The following FAM83E variants were observed in gnomAD, a reference collection of about 807,000 sequenced individuals.
The protein encoded by FAM83E is protein FAM83E.
Under a neutral mutation model 34.3 loss-of-function variants are expected in FAM83E, and 29 were observed. The observed-to-expected ratio is 0.85, with a 90% CI of 0.63 to 1.15. The LOEUF is 1.15. Ranked by LOEUF, FAM83E falls within the 50% of genes most tolerant of loss-of-function variation. The pLI is 0.00. For synonymous variants in FAM83E, 312 were observed against 311.6 expected (o/e 1.00, Z -0.01); for missense variants, 697 against 685.0 (o/e 1.02, Z -0.20).
intron 3 of FAM83E, among the ~76,000 whole-genome samples, chr19:48,612,515 C>T (rs1035957344): frequency 6.6e-6 from 1 of 151,950 alleles, no homozygotes; most frequent in African/African-American, 2.4e-5. Context: ...AGCAATTCTG[C>T]TTCCTCAGCC....
At chr19:48,612,786 C>T in intron 3 of FAM83E, 122 bp downstream of exon 3, 1 of 1,182,692 alleles carries the variant, frequency 8.5e-7, no homozygotes, top group Non-Finnish European at 1.2e-6. Context: ...CTCCTGGGTC[C>T]CAGGGGTATA....
rs764749355 is a variant in FAM83E, at chr19:48,603,905, C to T, written c.765G>A (p.Thr255=). 3.8e-6 allele frequency: 6 copies of T among 1,594,754 alleles called. No homozygotes were observed. The highest frequency in any genetic ancestry group is 5.1e-6 in the Non-Finnish European group (6 of 1,171,166). Residue 255 remains threonine, a synonymous_variant, in exon 6 of 7, where the codon ACG becomes ACA. Coordinates refer to ENST00000263266, the MANE Select transcript of FAM83E (RefSeq NM_017708.4). ...ERVISGSYSF[T]WSDARLHRGL... The stretch of plus-strand genomic sequence containing the variant: ...CTCGGTGCAGGCGTGCGTCACTCCA[C>T]GTGAAGCTGGGGGTCGGGGAGTAGG...
chr19:48,613,152 C>A lies in FAM83E; in HGVS notation c.221G>T (p.Trp74Leu). 1 of 1,612,036 alleles carries A rather than the reference C, an allele frequency of 6.2e-7. No individual in the cohort carries two copies. Among genetic ancestry groups the A allele is most frequent in the South Asian group, 1.1e-5 (1 of 91,072 alleles). Residue 74 changes from tryptophan to leucine, a missense_variant, in exon 3 of 7, where the codon TGG (tryptophan) becomes TTG (leucine). Coordinates refer to ENST00000263266, the MANE Select transcript of FAM83E (RefSeq NM_017708.4). Reference protein sequence around the residue: ...VQGLAAAAEDWTVAKQEPSGM... With the variant: ...VQGLAAAAEDLTVAKQEPSGM... ...GCTGGGCTCCTGCTTGGCCACTGTC[C>A]AGTCTTCAGCTGCCGCTGCCAAGCC... is the stretch of plus-strand genomic sequence containing the variant.
Position 48,614,524 on chromosome 19 carries a change from AC to A in FAM83E, c.-1153del, listed in dbSNP as rs760858513. Reference sequence around the variant, plus strand: ...CTCAGTTATCCCCTTGAGGCTCCTGACCCAACCTCGGGGACCCTGGACCCTT... The same window carrying A: ...CTCAGTTATCCCCTTGAGGCTCCTGACCAACCTCGGGGACCCTGGACCCTT... On this transcript the variant is annotated 5_prime_UTR_variant, in exon 3 of 7. It removes the in-frame stop codon of an upstream open reading frame in the 5' UTR. Coordinates refer to ENST00000263266, the MANE Select transcript of FAM83E (RefSeq NM_017708.4). The A allele has an allele frequency of 2.0e-6, 2 of 985,438 alleles. No individual in the cohort carries two copies. The highest frequency in any genetic ancestry group is 2.4e-6 in the Non-Finnish European group (2 of 830,102). 61.0% of individuals were successfully genotyped at this position (985,438 alleles called of 1,614,324 possible). A position where few individuals can be genotyped will look rare whatever the true frequency, so the allele number is the denominator to read the frequency against.
chr19:48,606,941 C>G, intron 5 of FAM83E: 1 of 1,589,956 alleles, frequency 6.3e-7, no homozygotes, highest in Non-Finnish European at 8.5e-7. Context: ...GGGAAGCCCA[C>G]GGCCTGGCTG....
chr19:48,604,423 T>C (rs1973889672), intron 5 of FAM83E, among the ~76,000 whole-genome samples: 3 of 147,880 alleles, frequency 2.0e-5, no homozygotes, highest in Non-Finnish European at 3.0e-5. Flanking sequence ...CTCTGCCTCC[T>C]GGCTTCAAGC....
intron 6 of FAM83E, among the ~76,000 whole-genome samples, chr19:48,602,137 A>G (rs1216018201): frequency 5.6e-4 from 51 of 90,632 alleles, no homozygotes; most frequent in African/African-American, 2.2e-3. Context: ...GCGAGACCCT[A>G]TCTCAAAAAA....
chr19:48,604,110 A>G (rs1973884529), intron 5 of FAM83E, among the ~76,000 whole-genome samples, 199 bp from the exon 6 acceptor site: 1 of 151,922 alleles, frequency 6.6e-6, no homozygotes, highest in African/African-American at 2.4e-5. Context: ...CCAAGTTAAG[A>G]CACTTATATA....
At position 48,614,062 on chromosome 19, in the gene FAM83E, G is replaced by C. The variant is rs1974099373; in HGVS notation, c.-690C>G. 2.0e-6 allele frequency: 2 copies of C among 985,576 alleles called. No individual in the cohort carries two copies. The highest frequency in any genetic ancestry group is 3.5e-5 in the African/African-American group (2 of 57,216). The allele number at this position is 985,576 out of a possible 1,614,324, so 61.1% of individuals were successfully genotyped here. A position where few individuals can be genotyped will look rare whatever the true frequency, so the allele number is the denominator to read the frequency against. On this transcript the variant is annotated 5_prime_UTR_variant, in exon 3 of 7. Coordinates refer to ENST00000263266, the MANE Select transcript of FAM83E (RefSeq NM_017708.4). Reference sequence around the variant, plus strand: ...CCCCACGAGTTTCTCCTGCTCATCAGCTCTCACCCGCAGACCAGCCAGGAT... The same window carrying C: ...CCCCACGAGTTTCTCCTGCTCATCACCTCTCACCCGCAGACCAGCCAGGAT...
chr19:48,613,859 T>A lies in FAM83E; in HGVS notation c.-487A>T. ...GATCATTTCCAGGCGGCAAGCTGCCTGCCTGTCTCTAATCACCCAAAGGTC... is the reference window on the plus strand; with the variant it reads ...GATCATTTCCAGGCGGCAAGCTGCCAGCCTGTCTCTAATCACCCAAAGGTC... On this transcript the variant is annotated 5_prime_UTR_variant, in exon 3 of 7. Coordinates refer to ENST00000263266, the MANE Select transcript of FAM83E (RefSeq NM_017708.4). 1 of 985,362 alleles carries A rather than the reference T, an allele frequency of 1.0e-6. No individual in the cohort carries two copies. Among genetic ancestry groups the A allele is most frequent in the Non-Finnish European group, 1.2e-6 (1 of 829,882 alleles). 61.0% of individuals were successfully genotyped at this position (985,362 alleles called of 1,614,324 possible).
intron 4 of FAM83E, 57 bp downstream of exon 4, chr19:48,610,623 C>T: frequency 3.3e-6 from 5 of 1,518,826 alleles, no homozygotes; most frequent in Non-Finnish European, 4.4e-6. Flanking sequence ...GGTCTGCCCC[C>T]ACTGCCCCCA....
At chr19:48,610,883 G>A (rs765782811) in intron 3 of FAM83E, 36 bp from the exon 4 acceptor site, 37 of 1,564,718 alleles carry the variant, frequency 2.4e-5, no homozygotes, top group Middle Eastern at 3.3e-4. Context: ...GCTTGTGAAC[G>A]GAAGCTGGCT....
intron 5 of FAM83E, 67 bp from the exon 6 acceptor site, chr19:48,603,978 G>A (rs996097022): frequency 6.5e-7 from 1 of 1,527,332 alleles, no homozygotes; most frequent in Non-Finnish European, 8.8e-7. Context: ...CCCATCCTCA[G>A]CCAGGTCCCA....
chr19:48,612,817 T>A, intron 3 of FAM83E, 91 bp downstream of exon 3: 1 of 1,394,208 alleles, frequency 7.2e-7, no homozygotes, highest in Non-Finnish European at 9.6e-7. Flanking sequence ...GGTAGGGGTG[T>A]GCGCTTGCAA....
At chr19:48,607,756 T>TTTTC (rs1310355533) in intron 5 of FAM83E, 1 of 170,362 alleles carries the variant, frequency 5.9e-6, no homozygotes, top group African/African-American at 2.4e-5. Context: ...CTTTTTTTTT[T>TTTTC]TTTCTTTTTG....
chr19:48,610,406 A>AAAG (rs886580809), intron 4 of FAM83E, among the ~76,000 whole-genome samples: 1 of 149,976 alleles, frequency 6.7e-6, no homozygotes, highest in African/African-American at 2.4e-5. Context: ...CTCAAAAAAA[A>AAAG]AAAAAAAAAA....
At position 48,601,030 on chromosome 19, in the gene FAM83E, T is replaced by C. The variant is rs1973800528; in HGVS notation, c.*79A>G. 1.3e-6 allele frequency: 2 copies of C among 1,512,654 alleles called. No individual in the cohort carries two copies. The highest frequency in any genetic ancestry group is 1.8e-6 in the Non-Finnish European group (2 of 1,134,138). 93.7% of individuals were successfully genotyped at this position (1,512,654 alleles called of 1,614,324 possible). A position where few individuals can be genotyped will look rare whatever the true frequency, so the allele number is the denominator to read the frequency against. On this transcript the variant is annotated 3_prime_UTR_variant, in exon 7 of 7. Coordinates refer to ENST00000263266, the MANE Select transcript of FAM83E (RefSeq NM_017708.4). ...CAGAAGCCTTGTCCAAGGCAGGGCA[T>C]TGAGGCAGAGGGCTCTGAGCCGACA...
chr19:48,600,675 G>A lies in FAM83E; in HGVS notation c.*434C>T, dbSNP rs1355375157. The A allele has an allele frequency of 1.3e-5, 2 of 150,094 alleles. No homozygotes were observed. Among genetic ancestry groups the A allele is most frequent in the Admixed American group, 6.8e-5 (1 of 14,796 alleles). The allele number at this position is 150,094 out of a possible 1,614,324, so 9.3% of individuals were successfully genotyped here. ...CTTTTTTTTTTTTTTTTAAAGAGAT[G>A]GCCTCTCACTGTGTTGCCCAGGCTG... On this transcript the variant is annotated 3_prime_UTR_variant, in exon 7 of 7. Transcript: ENST00000263266.
chr19:48,603,484 A>G lies in FAM83E; in HGVS notation c.1176+10T>C. 6.4e-7 allele frequency: 1 copy of G among 1,550,432 alleles called. No homozygotes were observed. The highest frequency in any genetic ancestry group is 1.1e-5 in the South Asian group (1 of 87,082). On this transcript the variant is annotated intron_variant, in intron 6 of 6. Coordinates refer to ENST00000263266, the MANE Select transcript of FAM83E (RefSeq NM_017708.4). ...GGCTCCATCTTCTGGCACCAGCCAC[A>G]AGGTCTCACCTCGTTGTCCCCATCA...
Sources: gnomAD v4.1 joint callset for allele counts (sites outside exome capture counted in the v4.1 genomes callset) on GRCh38, gnomAD v4.1.1 for gene constraint, MANE v1.5 for transcripts, NCBI Gene and HGNC (gene_info 2026-07-23, HGNC 2026-07-21) for gene names.